The following APOB variants were observed in gnomAD, a reference collection of about 807,000 sequenced individuals.
APOB encodes apolipoprotein B-100.
Under a neutral mutation model 314.1 loss-of-function variants are expected in APOB, and 153 were observed. The ratio of observed to expected loss-of-function variants is 0.49; its 90% CI spans 0.43 to 0.56. The LOEUF (loss-of-function observed/expected upper bound fraction) is 0.56, where lower values mean the gene tolerates loss of function less well. APOB is among the 20% of genes least tolerant of loss of function. The probability of loss-of-function intolerance (pLI) is 0.00; values close to 1 mark genes in which losing one functional copy is unlikely to be tolerated. For missense variants in APOB, 5,430 were observed against 5,350.7 expected (o/e 1.01, Z -0.46); for synonymous variants, 2,087 against 2,036.4 (o/e 1.02, Z -0.67).
At chr2:21,016,011 C>G (rs1016163433) in intron 21 of APOB, among the ~76,000 whole-genome samples, 1 of 152,142 alleles carries the variant, frequency 6.6e-6, no homozygotes, top group Non-Finnish European at 1.5e-5. Flanking sequence ...AGAGCTTGGC[C>G]GGGTGCAGTG....
chr2:21,028,594 G>A, intron 12 of APOB, 56 bp from the exon 13 acceptor site: 1 of 1,252,028 alleles, frequency 8.0e-7, no homozygotes, highest in Non-Finnish European at 1.2e-6. Flanking sequence ...CACAGAACAT[G>A]CCTGGCAAAC....
At position 21,006,950 on chromosome 2, in the gene APOB, G is replaced by A. The variant is rs1454270337; in HGVS notation, c.9918C>T (p.Val3306=). Residue 3306 remains valine, a synonymous_variant, in exon 26 of 29, where the codon GTC becomes GTT. Coordinates refer to ENST00000233242, the MANE Select transcript of APOB (RefSeq NM_000384.3). ...TLILPSLELP[V]LHVPRNLKLS... Reference sequence around the variant, plus strand: ...GCTTGAGATTTCTAGGGACATGAAGGACTGGCAGCTCTAATGATGGCAGGA... The same window carrying A: ...GCTTGAGATTTCTAGGGACATGAAGAACTGGCAGCTCTAATGATGGCAGGA... 4 of 1,614,048 alleles carry A rather than the reference G, an allele frequency of 2.5e-6. No individual in the cohort carries two copies. The highest frequency in any genetic ancestry group is 3.4e-6 in the Non-Finnish European group (4 of 1,179,938).
intron 14 of APOB, among the ~76,000 whole-genome samples, chr2:21,027,178 T>C (rs1395685578): frequency 6.6e-6 from 1 of 152,178 alleles, no homozygotes; most frequent in African/African-American, 2.4e-5. Flanking sequence ...CAGCTAAGGT[T>C]CAGATAGGAC....
At chr2:21,019,643 G>A in intron 19 of APOB, 80 bp downstream of exon 19, 1 of 1,427,996 alleles carries the variant, frequency 7.0e-7, no homozygotes, top group South Asian at 1.2e-5. Flanking sequence ...ACAACACAGA[G>A]TATTTTTTCC....
chr2:21,028,264 C>G, intron 13 of APOB, 63 bp downstream of exon 13: 1 of 1,446,100 alleles, frequency 6.9e-7, no homozygotes, highest in South Asian at 1.1e-5. Context: ...TATGCCAAAA[C>G]CTAGGGTTGG....
chr2:21,020,593 C>T (rs1038422060), intron 18 of APOB, among the ~76,000 whole-genome samples: 3 of 152,332 alleles, frequency 2.0e-5, no homozygotes. Context: ...CAGACTAAGA[C>T]GCTGGAGCCT....
chr2:21,019,994 C>A (rs1400396010), intron 18 of APOB, 89 bp from the exon 19 acceptor site: 2 of 1,198,668 alleles, frequency 1.7e-6, no homozygotes, highest in Non-Finnish European at 1.2e-6. Flanking sequence ...ACCCCCTTAT[C>A]CTCCTGTCTT....
chr2:21,016,745 G>A, intron 20 of APOB, 96 bp from the exon 21 acceptor site: 1 of 808,672 alleles, frequency 1.2e-6, no homozygotes, highest in South Asian at 1.4e-5. Flanking sequence ...AGCACTTTGG[G>A]AGGCCAAGGC....
At position 21,007,634 on chromosome 2, in the gene APOB, C is replaced by T. The variant is rs147986457; in HGVS notation, c.9234G>A (p.Leu3078=). The T allele has an allele frequency of 8.1e-6, 13 of 1,614,070 alleles. No individual in the cohort carries two copies. The African/African-American group carries it at 1.5e-4, about 18-fold the overall frequency. Residue 3078 remains leucine (L), a synonymous_variant, in exon 26 of 29, where the codon CTG becomes CTA. Coordinates refer to ENST00000233242, the MANE Select transcript of APOB (RefSeq NM_000384.3). ...IDFLNNYALF[L]SPSAQQASWQ... Reference sequence around the variant, plus strand: ...AACTTGCTTGCTGGGCACTGGGACTCAGAAACAGTGCATAGTTATTCAGGA... The same window carrying T: ...AACTTGCTTGCTGGGCACTGGGACTTAGAAACAGTGCATAGTTATTCAGGA...
At position 21,014,457 on chromosome 2, in the gene APOB, A is replaced by G. The variant is rs746495095; in HGVS notation, c.3833T>C (p.Phe1278Ser). ...LPDFHIPENLFLKSDGRVKYT... is the reference protein window; with the variant it reads ...LPDFHIPENLSLKSDGRVKYT... ...TGCTTTCTTCTTTTACCTTTTTAAG[A>G]AGAGGTTTTCTGGGATGTGGAAGTC... Residue 1278 changes from phenylalanine (F) to serine (S), a missense_variant, in exon 24 of 29, where the codon TTC becomes TCC. Phe to Ser is a radical substitution (Grantham distance 155, BLOSUM62 -2). Transcript: ENST00000233242. The G allele has an allele frequency of 1.2e-6, 2 of 1,614,086 alleles. No homozygotes were observed. The highest frequency in any genetic ancestry group is 8.5e-7 in the Non-Finnish European group (1 of 1,180,018).
chr2:21,041,105 G>T, intron 3 of APOB, 22 bp from the exon 4 acceptor site: 2 of 1,607,818 alleles, frequency 1.2e-6, no homozygotes, highest in Non-Finnish European at 1.7e-6. Context: ...GGGTAGCAGA[G>T]CATTGAGGTT....
In APOB at chr2:21,009,816, TCTA is replaced by T; in HGVS notation, c.7049_7051del (p.Val2350del). 1 of 1,614,084 alleles carries T rather than the reference TCTA, an allele frequency of 6.2e-7. No individual in the cohort carries two copies. Among genetic ancestry groups the T allele is most frequent in the Non-Finnish European group, 8.5e-7 (1 of 1,179,982 alleles). ...ATCCATTAAAACCTGGATTTGTTGG[TCTA>T]CTTCATACCTCTCGATTAACTCATG... On this transcript the variant is annotated inframe_deletion, in exon 26 of 29. Transcript: ENST00000233242.
intron 26 of APOB, 21 bp from the exon 27 acceptor site, chr2:21,004,696 A>G: frequency 6.5e-7 from 1 of 1,539,160 alleles, no homozygotes; most frequent in Non-Finnish European, 9.0e-7. Context: ...GAGATTTTGT[A>G]TTTTATTAGA....
At position 21,004,561 on chromosome 2, in the gene APOB, T is replaced by G; in HGVS notation, c.11903A>C (p.Gln3968Pro). 6.2e-7 allele frequency: 1 copy of G among 1,613,400 alleles called. No homozygotes were observed. The highest frequency in any genetic ancestry group is 8.5e-7 in the Non-Finnish European group (1 of 1,179,334). The stretch of plus-strand genomic sequence containing the variant: ...TTTCAATTCAATAAAAGCTCCATAC[T>G]GAAGTCCTTCATATTTGCCATCTTC... ...YEEDGKYEGL[Q>P]EWEGKAHLNI... Residue 3968 changes from glutamine to proline, a missense_variant and splice_region_variant, in exon 27 of 29, where the codon CAG (glutamine) becomes CCG (proline). Physicochemically the swap from Gln to Pro is moderately conservative, Grantham distance 76 (BLOSUM62 -1). Coordinates refer to ENST00000233242, the MANE Select transcript of APOB (RefSeq NM_000384.3).
rs1663144636 is a variant in APOB at position 21,006,556 on chromosome 2, T to C, written c.10312A>G (p.Met3438Val). 1.9e-6 allele frequency: 3 copies of C among 1,614,014 alleles called. No homozygotes were observed. Among genetic ancestry groups the C allele is most frequent in the Non-Finnish European group, 2.5e-6 (3 of 1,179,966 alleles). Residue 3438 changes from methionine (M) to valine (V), a missense_variant, in exon 26 of 29, where the codon ATG (methionine) becomes GTG (valine). Met to Val is a conservative substitution (Grantham distance 21, BLOSUM62 1). Coordinates refer to ENST00000233242, the MANE Select transcript of APOB (RefSeq NM_000384.3). ...CCATTAAGTTCTTGCTTGAAATTCATTCTCAAAATTGGAATTTGGGCTTTT... is the reference window on the plus strand; with the variant it reads ...CCATTAAGTTCTTGCTTGAAATTCACTCTCAAAATTGGAATTTGGGCTTTT... ...TTKAQIPILR[M>V]NFKQELNGNT...
At chr2:21,043,320 A>C (rs1270595604) in intron 2 of APOB, among the ~76,000 whole-genome samples, 193 bp downstream of exon 2, 1 of 151,838 alleles carries the variant, frequency 6.6e-6, no homozygotes, top group Non-Finnish European at 1.5e-5. Flanking sequence ...GGGACAGAAC[A>C]GAAGGCCAGG....
intron 20 of APOB, among the ~76,000 whole-genome samples, chr2:21,018,274 G>A (rs904738379): frequency 1.3e-5 from 2 of 152,044 alleles, no homozygotes; most frequent in Non-Finnish European, 2.9e-5. Flanking sequence ...CTCTGCCCTT[G>A]TCTGCCCATA....
intron 12 of APOB, among the ~76,000 whole-genome samples, chr2:21,028,803 G>A (rs752475273): frequency 2.0e-5 from 3 of 152,028 alleles, no homozygotes; most frequent in Non-Finnish European, 4.4e-5. Flanking sequence ...TGATTTGTTT[G>A]GAGATCCACC....
rs568188843 is a variant in APOB, at chr2:21,017,694, G to T, written c.3122-1045C>A. Among the ~76,000 whole-genome samples the T allele has an allele frequency of 2.6e-5, 4 of 152,152 alleles. No individual in the cohort carries two copies. In the East Asian group the frequency reaches 5.8e-4, roughly 22 times the overall value. ...CTGGTTCCTTGCTGCCCTTGCCCTGGGCTCCATCTCCCCAACTCCCCCTTT... is the reference window on the plus strand; with the variant it reads ...CTGGTTCCTTGCTGCCCTTGCCCTGTGCTCCATCTCCCCAACTCCCCCTTT... On this transcript the variant is annotated intron_variant, in intron 20 of 28. Transcript: ENST00000233242.
Sources: gnomAD v4.1 joint callset for allele counts (sites outside exome capture counted in the v4.1 genomes callset) on GRCh38, gnomAD v4.1.1 for gene constraint, MANE v1.5 for transcripts, NCBI Gene and HGNC (gene_info 2026-07-23, HGNC 2026-07-21) for gene names.